Variants in NMT2 observed in about 807,000 individuals in gnomAD.
The protein encoded by NMT2 is N-myristoyltransferase 2.
NMT2 carries 35 observed loss-of-function variants against 65.4 expected under a neutral mutation model. The observed-to-expected ratio is 0.54, with a 90% CI of 0.41 to 0.71. The LOEUF (loss-of-function observed/expected upper bound fraction) is 0.71, where lower values mean the gene tolerates loss of function less well. Among genes scored for constraint, NMT2 ranks in the 30% least tolerant of loss-of-function variants. NMT2 has a pLI of 0.00. For missense variants in NMT2, 489 were observed against 611.3 expected (o/e 0.80, Z 2.11); for synonymous variants, 226 against 231.8 (o/e 0.98, Z 0.23).
chr10:15,156,476 G>A (rs1833003964), intron 1 of NMT2, among the ~76,000 whole-genome samples: 1 of 152,058 alleles, frequency 6.6e-6, no homozygotes, highest in Admixed American at 6.6e-5. Flanking sequence ...GCATGAGAAC[G>A]GACTAATACG....
At chr10:15,157,110 C>G (rs1238525812) in intron 1 of NMT2, among the ~76,000 whole-genome samples, 1 of 152,078 alleles carries the variant, frequency 6.6e-6, no homozygotes, top group African/African-American at 2.4e-5. Flanking sequence ...ACTGAATCCC[C>G]AACCTTCTCT....
intron 9 of NMT2, among the ~76,000 whole-genome samples, chr10:15,116,003 C>G (rs1468641009): frequency 1.3e-5 from 2 of 152,168 alleles, no homozygotes; most frequent in Non-Finnish European, 2.9e-5. Flanking sequence ...TTCCATGCCC[C>G]TCTCATCAAG....
chr10:15,118,111 A>C (rs917732864), intron 9 of NMT2, among the ~76,000 whole-genome samples: 1 of 152,274 alleles, frequency 6.6e-6, no homozygotes, highest in African/African-American at 2.4e-5. Context: ...ACCTGATACT[A>C]AGGCTTCCTA....
At chr10:15,149,760 G>C (rs1180813908) in intron 1 of NMT2, among the ~76,000 whole-genome samples, 1 of 152,104 alleles carries the variant, frequency 6.6e-6, no homozygotes, top group Non-Finnish European at 1.5e-5. Flanking sequence ...TGAGGAAACT[G>C]AAATAGAGAG....
intron 1 of NMT2, among the ~76,000 whole-genome samples, chr10:15,153,212 G>A (rs1832863406): frequency 6.6e-6 from 1 of 152,196 alleles, no homozygotes. Flanking sequence ...CTTGAAGTCA[G>A]GAGTTCCAGG....
intron 1 of NMT2, 121 bp downstream of exon 1, chr10:15,168,382 A>G (rs765211459): frequency 1.1e-4 from 79 of 718,310 alleles, no homozygotes; most frequent in South Asian, 3.9e-4. Context: ...GCCACGGAGA[A>G]GCCATCGCGG....
chr10:15,119,884 T>C (rs116198279), intron 8 of NMT2, among the ~76,000 whole-genome samples: 1,644 of 152,268 alleles, frequency 0.011, 30 homozygotes, highest in African/African-American at 0.035. Context: ...CCAATGTATA[T>C]ACCAATGCCA....
chr10:15,133,019 C>T, intron 5 of NMT2, 34 bp downstream of exon 5: 1 of 1,600,860 alleles, frequency 6.2e-7, no homozygotes, highest in Non-Finnish European at 8.6e-7. Context: ...GTCAGCAGCG[C>T]CTATCCACGA....
chr10:15,154,777 G>A, intron 1 of NMT2: 1 of 697,786 alleles, frequency 1.4e-6, no homozygotes, highest in Non-Finnish European at 2.6e-6. Flanking sequence ...TGGTGGTTAA[G>A]ATAAAACACA....
chr10:15,129,370 A>G (rs1846197813), intron 7 of NMT2, among the ~76,000 whole-genome samples: 1 of 152,206 alleles, frequency 6.6e-6, no homozygotes, highest in South Asian at 2.1e-4. Flanking sequence ...GATGTTTTAG[A>G]AACAGGTTAG....
rs756313515 is a variant in NMT2, at chr10:15,168,650, G to A, written c.-38C>T. The A allele has an allele frequency of 2.6e-5, 39 of 1,510,524 alleles. No homozygotes were observed. Among genetic ancestry groups the A allele is most frequent in the Non-Finnish European group, 3.3e-5 (37 of 1,121,696 alleles). 93.6% of individuals were successfully genotyped at this position (1,510,524 alleles called of 1,614,324 possible). On this transcript the variant is annotated 5_prime_UTR_variant, in exon 1 of 12. Coordinates refer to ENST00000378165, the MANE Select transcript of NMT2 (RefSeq NM_004808.3). ...GGCTGGGGAGGCGGTGCTCGGGGCC[G>A]GGCCGGAGCGGCCGCAGCTCCCTCT...
chr10:15,116,344 A>G (rs1845744386), intron 9 of NMT2, among the ~76,000 whole-genome samples: 1 of 152,182 alleles, frequency 6.6e-6, no homozygotes, highest in African/African-American at 2.4e-5. Flanking sequence ...CTAAAGAGGA[A>G]GCCTCAAACG....
At chr10:15,115,052 A>G (rs1845700602) in intron 9 of NMT2, among the ~76,000 whole-genome samples, 2 of 152,190 alleles carry the variant, frequency 1.3e-5, no homozygotes, top group Non-Finnish European at 2.9e-5. Context: ...AAACAGAGGT[A>G]GTCTCACACA....
chr10:15,133,374 A>T lies in NMT2; in HGVS notation c.392-11T>A. On this transcript the variant is annotated splice_polypyrimidine_tract_variant and intron_variant, in intron 3 of 11. Transcript: ENST00000378165. ...ATGTTATGACTTCATCTGAACAGGG[A>T]GAGAAAGAGAAAAAAGAAAGGCAAA... The T allele has an allele frequency of 4.5e-6, 7 of 1,572,096 alleles. No individual in the cohort carries two copies. The highest frequency in any genetic ancestry group is 6.1e-6 in the Non-Finnish European group (7 of 1,141,730).
At chr10:15,117,952 A>G (rs1336009375) in intron 9 of NMT2, among the ~76,000 whole-genome samples, 2 of 152,238 alleles carry the variant, frequency 1.3e-5, no homozygotes, top group Non-Finnish European at 2.9e-5. Flanking sequence ...AAATTAATCT[A>G]TCAGTGTAAT....
intron 1 of NMT2, chr10:15,154,970 G>C (rs776829196): frequency 7.9e-6 from 9 of 1,139,704 alleles, no homozygotes; most frequent in Non-Finnish European, 1.2e-5. Flanking sequence ...TCTGGGAATC[G>C]TTTGTGTTGG....
rs184606077 is a variant in NMT2, at chr10:15,117,884, C to T, written c.1170+1459G>A. Among the ~76,000 whole-genome samples, 523 of 152,204 alleles carry T rather than the reference C, an allele frequency of 3.4e-3. 5 individuals are homozygous for T. Among genetic ancestry groups the T allele is most frequent in the African/African-American group, 0.012 (480 of 41,520 alleles). On this transcript the variant is annotated intron_variant, in intron 9 of 11. Coordinates refer to ENST00000378165, the MANE Select transcript of NMT2 (RefSeq NM_004808.3). ...GCTGATAAAAGAGATTTTAAAAGACCGAAATAAATGTAGAGACATTCCATG... is the reference window on the plus strand; with the variant it reads ...GCTGATAAAAGAGATTTTAAAAGACTGAAATAAATGTAGAGACATTCCATG...
chr10:15,132,235 G>C (rs1846310186), intron 6 of NMT2, among the ~76,000 whole-genome samples: 1 of 151,932 alleles, frequency 6.6e-6, no homozygotes, highest in Non-Finnish European at 1.5e-5. Context: ...GAGAGAAAAA[G>C]AGAAAAAGAA....
chr10:15,146,636 A>G (rs929818733), intron 1 of NMT2, among the ~76,000 whole-genome samples: 4 of 152,150 alleles, frequency 2.6e-5, no homozygotes, highest in African/African-American at 4.8e-5. Flanking sequence ...CGCAGTCTCG[A>G]CCCTGGATGA....
Sources: gnomAD v4.1 joint callset for allele counts (sites outside exome capture counted in the v4.1 genomes callset) on GRCh38, gnomAD v4.1.1 for gene constraint, MANE v1.5 for transcripts, NCBI Gene and HGNC (gene_info 2026-07-23, HGNC 2026-07-21) for gene names.